The following MRAP2 variants were observed in gnomAD, a reference collection of about 807,000 sequenced individuals.
MRAP2 encodes melanocortin-2 receptor accessory protein 2.
MRAP2 carries 20 observed loss-of-function variants against 17.4 expected under a neutral mutation model. The ratio of observed to expected loss-of-function variants is 1.15; its 90% CI spans 0.81 to 1.67. MRAP2 has a LOEUF of 1.67. Ranked by LOEUF, MRAP2 falls within the 40% of genes most tolerant of loss-of-function variation. MRAP2 has a pLI of 0.00. For missense variants in MRAP2, 238 were observed against 240.0 expected (o/e 0.99, Z 0.05); for synonymous variants, 96 against 88.4 (o/e 1.09, Z -0.48).
chr6:84,049,452 AAAC>A (rs796211683), intron 1 of MRAP2, among the ~76,000 whole-genome samples: 32 of 152,092 alleles, frequency 2.1e-4, no homozygotes, highest in Admixed American at 4.6e-4. Flanking sequence ...AAAACAAACA[AAAC>A]AACAACAACA....
chr6:84,035,527 A>G, intron 1 of MRAP2: 2 of 522,180 alleles, frequency 3.8e-6, no homozygotes, highest in Non-Finnish European at 4.9e-6. Context: ...AGTTTTTAAA[A>G]CATGAAAGCC....
At chr6:84,144,596 C>T in the MRAP2 span, among the ~76,000 whole-genome samples, 2 of 152,164 alleles carry the variant, frequency 1.3e-5, no homozygotes, top group East Asian at 1.9e-4. Context: ...CAAATACAGG[C>T]TTCTGATAAC....
chr6:84,073,528 C>T (rs1255941753), intron 3 of MRAP2, among the ~76,000 whole-genome samples: 2 of 152,158 alleles, frequency 1.3e-5, no homozygotes, highest in Non-Finnish European at 2.9e-5. Context: ...GGATCTGGAG[C>T]TAAAATTCAG....
Position 84,089,576 on chromosome 6 carries a change from A to G in MRAP2, c.*95A>G. 3 of 1,382,698 alleles carry G rather than the reference A, an allele frequency of 2.2e-6. No homozygotes were observed. Among genetic ancestry groups the G allele is most frequent in the Non-Finnish European group, 3.0e-6 (3 of 1,009,084 alleles). 85.7% of individuals were successfully genotyped at this position (1,382,698 alleles called of 1,614,324 possible). On this transcript the variant is annotated 3_prime_UTR_variant, in exon 4 of 4. Coordinates refer to ENST00000257776, the MANE Select transcript of MRAP2 (RefSeq NM_138409.4). ...CACCAAAATTGTGTGTGTTTGGGGG[A>G]GAGAGAGACATAGAGATAGAGACAG...
intron 3 of MRAP2, among the ~76,000 whole-genome samples, chr6:84,076,578 C>G (rs2099497686): frequency 6.6e-6 from 1 of 151,876 alleles, no homozygotes; most frequent in African/African-American, 2.4e-5. Context: ...CAGGCTGGTC[C>G]CAAACTCCTG....
At chr6:84,062,835 G>A in intron 2 of MRAP2, 58 bp from the exon 3 acceptor site, 1 of 1,609,212 alleles carries the variant, frequency 6.2e-7, no homozygotes, top group South Asian at 1.1e-5. Flanking sequence ...TCTGATTCTT[G>A]AATGTTCAAG....
At chr6:84,074,675 T>C (rs1003676590) in intron 3 of MRAP2, among the ~76,000 whole-genome samples, 6 of 152,198 alleles carry the variant, frequency 3.9e-5, no homozygotes, top group Non-Finnish European at 7.3e-5. Flanking sequence ...CTGCATCATC[T>C]TCCCTGCATA....
the MRAP2 span, among the ~76,000 whole-genome samples, chr6:84,103,948 A>G: frequency 2.0e-5 from 3 of 151,756 alleles, no homozygotes; most frequent in Admixed American, 6.6e-5. Context: ...TCTATAGTCT[A>G]CTCCATTTTT....
chr6:84,039,849 G>A (rs573053848), intron 1 of MRAP2, among the ~76,000 whole-genome samples: 21 of 152,304 alleles, frequency 1.4e-4, no homozygotes, highest in Admixed American at 3.9e-4. Flanking sequence ...AAAATTAGGA[G>A]CTGAGTGAGA....
chr6:84,061,207 A>G (rs1428752709), intron 2 of MRAP2, among the ~76,000 whole-genome samples: 1 of 152,234 alleles, frequency 6.6e-6, no homozygotes, highest in Non-Finnish European at 1.5e-5. Flanking sequence ...AAAAAGTGCT[A>G]CATATACATA....
At chr6:84,068,783 T>C (rs564366814) in intron 3 of MRAP2, among the ~76,000 whole-genome samples, 1 of 133,770 alleles carries the variant, frequency 7.5e-6, no homozygotes, top group East Asian at 2.1e-4. Flanking sequence ...TTTGCTGAAT[T>C]CTTTTTTTTT....
At chr6:84,033,690 T>G, upstream of MRAP2, 1 of 985,294 alleles carries the variant, frequency 1.0e-6, no homozygotes, top group African/African-American at 1.7e-5. Flanking sequence ...GCTCCCGCGC[T>G]GCAGCCCTGC....
At chr6:84,126,812 C>A in the MRAP2 span, among the ~76,000 whole-genome samples, 1 of 152,000 alleles carries the variant, frequency 6.6e-6, no homozygotes, top group Non-Finnish European at 1.5e-5. Context: ...TTAAGTTTCA[C>A]TACAAGGTAT....
chr6:84,057,908 G>A (rs968519396), intron 2 of MRAP2, among the ~76,000 whole-genome samples: 1 of 152,188 alleles, frequency 6.6e-6, no homozygotes, highest in Non-Finnish European at 1.5e-5. Context: ...AAGGAAGTGA[G>A]AGATTGAGCT....
the MRAP2 span, among the ~76,000 whole-genome samples, chr6:84,123,917 G>A: frequency 6.6e-6 from 1 of 152,058 alleles, no homozygotes; most frequent in Non-Finnish European, 1.5e-5. Context: ...AACATGAACA[G>A]ACATTTGTCA....
At chr6:84,046,077 CT>C (rs1300640802) in intron 1 of MRAP2, among the ~76,000 whole-genome samples, 22 of 152,194 alleles carry the variant, frequency 1.4e-4, no homozygotes, top group Non-Finnish European at 2.9e-4. Flanking sequence ...TGTCTGCTTG[CT>C]GTGAAAATAT....
intron 3 of MRAP2, among the ~76,000 whole-genome samples, chr6:84,082,180 T>C (rs925032369): frequency 6.6e-6 from 1 of 152,172 alleles, no homozygotes; most frequent in Non-Finnish European, 1.5e-5. Flanking sequence ...TGGTAGAGAG[T>C]TGGATTGAAA....
chr6:84,132,617 T>C, the MRAP2 span, among the ~76,000 whole-genome samples: 1 of 152,296 alleles, frequency 6.6e-6, no homozygotes, highest in Middle Eastern at 3.4e-3. Flanking sequence ...TGATACCCTT[T>C]CTTCCACTTG....
upstream of MRAP2, chr6:84,033,591 A>C (rs899612423): frequency 1.3e-6 from 1 of 796,206 alleles, no homozygotes; most frequent in Non-Finnish European, 1.5e-6. Flanking sequence ...CGGAGGGGCA[A>C]AGTGAGCAGG....
Sources: allele counts gnomAD v4.1 joint callset (sites outside exome capture counted in the v4.1 genomes callset), GRCh38; gene constraint gnomAD v4.1.1; transcripts MANE v1.5; gene names NCBI Gene and HGNC (gene_info 2026-07-23, HGNC 2026-07-21).